Variants in RNF24 observed in about 807,000 individuals in gnomAD.
The protein encoded by RNF24 is ring finger protein 24.
In RNF24, 14 loss-of-function variants were observed where a neutral mutation model predicts 20.0. That is an observed-to-expected ratio of 0.70 (90% CI 0.46 to 1.10). The LOEUF is 1.10. Ranked by LOEUF, RNF24 falls within the 50% of genes least tolerant of loss-of-function variation. The probability of loss-of-function intolerance (pLI) is 0.00; values close to 1 mark genes in which losing one functional copy is unlikely to be tolerated. For missense variants in RNF24, 124 were observed against 177.6 expected (o/e 0.70, Z 1.71); for synonymous variants, 45 against 61.1 (o/e 0.74, Z 1.23).
At chr20:3,954,943 T>C (rs1223926925) in intron 2 of RNF24, among the ~76,000 whole-genome samples, 3 of 152,184 alleles carry the variant, frequency 2.0e-5, no homozygotes, top group African/African-American at 7.2e-5. Flanking sequence ...CCAAACTCTT[T>C]TTCACAGCAG....
chr20:3,949,108 C>T (rs1032390565), intron 2 of RNF24, among the ~76,000 whole-genome samples: 29 of 152,150 alleles, frequency 1.9e-4, no homozygotes, highest in Non-Finnish European at 2.1e-4. Context: ...GGCTGGGCAC[C>T]GTGGCTCACG....
chr20:3,935,451 A>T (rs553334249), intron 4 of RNF24, among the ~76,000 whole-genome samples: 1 of 152,320 alleles, frequency 6.6e-6, no homozygotes, highest in South Asian at 2.1e-4. Flanking sequence ...CCACCTTGTC[A>T]GCAGCACAGC....
At position 3,927,713 on chromosome 20, in the gene RNF24, C is replaced by G. The variant is rs758070512; in HGVS notation, c.*6350G>C. 2 of 152,262 alleles carry G rather than the reference C, an allele frequency of 1.3e-5. No homozygotes were observed. Among genetic ancestry groups the G allele is most frequent in the Non-Finnish European group, 2.9e-5 (2 of 68,088 alleles). The allele number at this position is 152,262 out of a possible 1,614,324, so 9.4% of individuals were successfully genotyped here. A position where few individuals can be genotyped will look rare whatever the true frequency, so the allele number is the denominator to read the frequency against. On this transcript the variant is annotated 3_prime_UTR_variant, in exon 6 of 6. Transcript: ENST00000358395. ...ACACTTGCCACACCTGCTCCCCCGA[C>G]CGGGGGCCTGGGAGGGAAGGGCAGA...
chr20:3,982,444 G>C (rs1267062851), intron 1 of RNF24, among the ~76,000 whole-genome samples: 1 of 151,824 alleles, frequency 6.6e-6, no homozygotes, highest in East Asian at 1.9e-4. Flanking sequence ...GGGCCTGGTG[G>C]TGCGTGCCTG....
rs1406771545 is a variant in RNF24, at chr20:3,930,604, C to G, written c.*3459G>C. The stretch of plus-strand genomic sequence containing the variant: ...AGTGACAAGAGGTGATTCCATCACT[C>G]TCTGCCTGGAGCTCTGGGTATACTG... On this transcript the variant is annotated 3_prime_UTR_variant, in exon 6 of 6. Transcript: ENST00000358395. The G allele has an allele frequency of 6.6e-6, 1 of 152,192 alleles. No homozygotes were observed. The highest frequency in any genetic ancestry group is 1.5e-5 in the Non-Finnish European group (1 of 68,042). The allele number at this position is 152,192 out of a possible 1,614,324, so 9.4% of individuals were successfully genotyped here. A position where few individuals can be genotyped will look rare whatever the true frequency, so the allele number is the denominator to read the frequency against.
intron 1 of RNF24, among the ~76,000 whole-genome samples, chr20:3,977,336 A>G (rs1481013898): frequency 6.6e-6 from 1 of 152,184 alleles, no homozygotes; most frequent in Non-Finnish European, 1.5e-5. Context: ...TTGTTACAGA[A>G]GTATAAGTCT....
rs566095072 is a variant in RNF24 at position 3,933,523 on chromosome 20, A to G, written c.*540T>C. On this transcript the variant is annotated 3_prime_UTR_variant, in exon 6 of 6. Transcript: ENST00000358395. The stretch of plus-strand genomic sequence containing the variant: ...GAGGGGGAAATGGGTGACGAGGAAC[A>G]CTGCTACTCAAAGCCAAGATGGCCT... 1.8e-5 allele frequency: 4 copies of G among 219,726 alleles called. No homozygotes were observed. Among genetic ancestry groups the G allele is most frequent in the Admixed American group, 5.8e-5 (1 of 17,294 alleles). 13.6% of individuals were successfully genotyped at this position (219,726 alleles called of 1,614,324 possible). A position where few individuals can be genotyped will look rare whatever the true frequency, so the allele number is the denominator to read the frequency against.
chr20:4,010,048 CACAA>C (rs11468648), intron 1 of RNF24, among the ~76,000 whole-genome samples: 20,019 of 147,252 alleles, frequency 0.14, 2,275 homozygotes, highest in African/African-American at 0.31. Context: ...GAGACCCTGT[CACAA>C]ACAAACAAAC....
chr20:3,962,928 C>A (rs141836470), intron 2 of RNF24, among the ~76,000 whole-genome samples: 1 of 151,748 alleles, frequency 6.6e-6, no homozygotes, highest in African/African-American at 2.4e-5. Flanking sequence ...CTCGAACTCC[C>A]GACCTCAGGT....
rs761758937 is a variant in RNF24 at position 4,001,950 on chromosome 20, AAAAC to A, written c.-8+13483_-8+13486del. On this transcript the variant is annotated intron_variant, in intron 1 of 5. Transcript: ENST00000358395. ...CGACAGTGAGACCCTGCCTCTTAAA[AAAAC>A]AAACAAAAAAAAACAGGGCCGGGCG... Among the ~76,000 whole-genome samples the A allele has an allele frequency of 7.4e-4, 112 of 151,932 alleles. No individual in the cohort carries two copies. The South Asian group carries it at 9.8e-3, about 13-fold the overall frequency.
rs149480089 is a variant in RNF24, at chr20:4,007,807, T to C, written c.-8+7630A>G. Reference sequence around the variant, plus strand: ...GGTGTGTGCCTGTGGTCGCAGCTACTTGGGAGGTTGAGGTGGGAGGATTGT... The same window carrying C: ...GGTGTGTGCCTGTGGTCGCAGCTACCTGGGAGGTTGAGGTGGGAGGATTGT... On this transcript the variant is annotated intron_variant, in intron 1 of 5. Coordinates refer to ENST00000358395, the MANE Select transcript of RNF24 (RefSeq NM_001134337.3). Among the ~76,000 whole-genome samples, 327 of 151,264 alleles carry C rather than the reference T, an allele frequency of 2.2e-3. 2 individuals are homozygous for C. The highest frequency in any genetic ancestry group is 7.8e-3 in the African/African-American group (320 of 41,152).
chr20:3,993,495 C>T (rs1481260978), intron 1 of RNF24, among the ~76,000 whole-genome samples: 1 of 152,158 alleles, frequency 6.6e-6, no homozygotes, highest in African/African-American at 2.4e-5. Context: ...CCATGTTGGC[C>T]AGGCTGGTCT....
Position 3,933,292 on chromosome 20 carries a change from A to AC in RNF24, c.*770dup. 1 of 397,790 alleles carries AC rather than the reference A, an allele frequency of 2.5e-6. No homozygotes were observed. Among genetic ancestry groups the AC allele is most frequent in the Non-Finnish European group, 4.4e-6 (1 of 226,082 alleles). The allele number at this position is 397,790 out of a possible 1,614,324, so 24.6% of individuals were successfully genotyped here. Reference sequence around the variant, plus strand: ...GGCTCACAGCAGCTACACTGGAACCACAGTGCACATGTGGGGATGTGGGCA... The same window carrying AC: ...GGCTCACAGCAGCTACACTGGAACCACCAGTGCACATGTGGGGATGTGGGCA... On this transcript the variant is annotated 3_prime_UTR_variant, in exon 6 of 6. Transcript: ENST00000358395.
intron 1 of RNF24, among the ~76,000 whole-genome samples, chr20:4,008,393 T>TATATATAATATATA (rs1362132260): frequency 4.3e-5 from 1 of 23,028 alleles, no homozygotes; most frequent in African/African-American, 2.0e-4. Flanking sequence ...ATATATATTA[T>TATATATAATATATA]ATATGTAATA....
At chr20:3,980,856 A>C (rs1366017198) in intron 1 of RNF24, among the ~76,000 whole-genome samples, 2 of 151,524 alleles carry the variant, frequency 1.3e-5, no homozygotes, top group Non-Finnish European at 2.9e-5. Context: ...ATACAGAAAA[A>C]GGTCAGATCT....
At chr20:4,004,849 T>G (rs1981715204) in intron 1 of RNF24, among the ~76,000 whole-genome samples, 1 of 152,346 alleles carries the variant, frequency 6.6e-6, no homozygotes, top group East Asian at 1.9e-4. Flanking sequence ...ATAAACCCCC[T>G]TTGCTCCATC....
chr20:3,994,480 G>A (rs889862709), intron 1 of RNF24, among the ~76,000 whole-genome samples: 2 of 152,222 alleles, frequency 1.3e-5, no homozygotes, highest in African/African-American at 4.8e-5. Context: ...AATTAAAGGA[G>A]TTGAGTTTGT....
chr20:3,961,121 G>C (rs1600658698), intron 2 of RNF24, among the ~76,000 whole-genome samples: 1 of 152,168 alleles, frequency 6.6e-6, no homozygotes, highest in South Asian at 2.1e-4. Flanking sequence ...AAAGGATAAG[G>C]CTGGGTGTGG....
intron 1 of RNF24, among the ~76,000 whole-genome samples, chr20:4,001,911 C>T (rs922054607): frequency 1.3e-5 from 2 of 151,992 alleles, no homozygotes; most frequent in African/African-American, 4.8e-5. Flanking sequence ...TGCACCACTG[C>T]ACTCTAGCCT....
Sources: allele counts gnomAD v4.1 joint callset (sites outside exome capture counted in the v4.1 genomes callset), GRCh38; gene constraint gnomAD v4.1.1; transcripts MANE v1.5; gene names NCBI Gene and HGNC (gene_info 2026-07-23, HGNC 2026-07-21).